ZNF420: variants seen among roughly 807,000 people sequenced by gnomAD.
ZNF420 encodes the protein ATM and p53-associated KZNF protein.
In ZNF420, 31 loss-of-function variants were observed where a neutral mutation model predicts 44.7. The ratio of observed to expected loss-of-function variants is 0.69; its 90% CI spans 0.52 to 0.94. ZNF420 has a LOEUF of 0.94. ZNF420 is among the 40% of genes least tolerant of loss of function. ZNF420 has a pLI of 0.00. For missense variants in ZNF420, 681 were observed against 827.9 expected, an observed-to-expected ratio of 0.82 and a Z score of 2.18; for synonymous variants, 245 against 267.4, an observed-to-expected ratio of 0.92 and a Z score of 0.82.
At chr19:37,037,898 TCTC>T (rs1203749115) in intron 1 of ZNF420, among the ~76,000 whole-genome samples, 7 of 152,128 alleles carry the variant, frequency 4.6e-5, no homozygotes. Context: ...ACCTGTAATA[TCTC>T]CAAGGTATGC....
At chr19:37,018,287 G>A (rs368491868) in intron 1 of ZNF420, among the ~76,000 whole-genome samples, 160 of 152,134 alleles carry the variant, frequency 1.1e-3, no homozygotes, top group African/African-American at 3.5e-3. Flanking sequence ...TTGTATAAAC[G>A]GAAAAATCTA....
At chr19:37,087,887 C>A (rs181987491) in intron 2 of ZNF420, among the ~76,000 whole-genome samples, 5 of 152,294 alleles carry the variant, frequency 3.3e-5, no homozygotes, top group Admixed American at 2.6e-4. Flanking sequence ...CCTCGTGATC[C>A]GCCCGCTTCG....
chr19:37,127,642 T>A lies in ZNF420; in HGVS notation c.651T>A (p.His217Gln). ...AACTTATTTTACATCATAGAATTCA[T>A]ACTGGTGAAAAACCATATAAATGTG... Reference protein sequence around the residue: ...SSQLILHHRIHTGEKPYKCEE... With the variant: ...SSQLILHHRIQTGEKPYKCEE... The change falls in exon 5 of 5, where the codon CAT (histidine) becomes CAA (glutamine). Residue 217 changes from histidine to glutamine, a missense_variant. Around this residue, in one of 3 missense-constraint regions of ZNF420, gnomAD observed 350 missense variants for 382.5 expected, o/e 0.92. Transcript: ENST00000337995. 1 of 1,613,964 alleles carries A rather than the reference T, an allele frequency of 6.2e-7. No individual in the cohort carries two copies. The highest frequency in any genetic ancestry group is 8.5e-7 in the Non-Finnish European group (1 of 1,179,914).
intron 1 of ZNF420, among the ~76,000 whole-genome samples, chr19:37,019,667 T>A (rs115255291): frequency 6.6e-6 from 1 of 151,774 alleles, no homozygotes; most frequent in Non-Finnish European, 1.5e-5. Context: ...CCCAGAGGGC[T>A]GAGACAGGAA....
chr19:37,034,839 G>C (rs1430699352), intron 1 of ZNF420, among the ~76,000 whole-genome samples: 1 of 152,166 alleles, frequency 6.6e-6, no homozygotes, highest in African/African-American at 2.4e-5. Context: ...TGTTCTAGAA[G>C]CATGTAAACA....
intron 3 of ZNF420, among the ~76,000 whole-genome samples, chr19:37,089,767 G>A (rs1568448692): frequency 6.6e-6 from 1 of 152,164 alleles, no homozygotes; most frequent in Non-Finnish European, 1.5e-5. Context: ...TCATTCACCA[G>A]CAGAAGTTGT....
chr19:37,091,342 G>T, intron 4 of ZNF420: 2 of 323,972 alleles, frequency 6.2e-6, no homozygotes, highest in African/African-American at 2.2e-5. Flanking sequence ...CTTCCCTGAT[G>T]AACAAAGGGC....
chr19:37,045,628 T>G (rs1010583934), intron 1 of ZNF420, among the ~76,000 whole-genome samples: 21 of 152,234 alleles, frequency 1.4e-4, no homozygotes, highest in Admixed American at 1.2e-3. Flanking sequence ...CTTGAGCCAT[T>G]GTCATTTGGG....
intron 1 of ZNF420, among the ~76,000 whole-genome samples, chr19:37,048,094 T>A (rs1568428903): frequency 6.6e-6 from 1 of 152,234 alleles, no homozygotes; most frequent in Non-Finnish European, 1.5e-5. Context: ...CTGTCACATG[T>A]AGCAGCTCAG....
Position 37,129,032 on chromosome 19 carries a change from A to G in ZNF420, c.2041A>G (p.Ser681Gly). ...FEYKECGIDF[S>G]HGSQVYM is the part of the protein sequence containing the mutation. Reference sequence around the variant, plus strand: ...ATATAAGGAATGTGGGATTGACTTTAGTCATGGCTCACAAGTTTACATGTG... The same window carrying G: ...ATATAAGGAATGTGGGATTGACTTTGGTCATGGCTCACAAGTTTACATGTG... Residue 681 changes from serine (S) to glycine (G), a missense_variant, in exon 5 of 5, where the codon AGT becomes GGT. Coordinates refer to ENST00000337995, the MANE Select transcript of ZNF420 (RefSeq NM_144689.5). 1 of 1,612,158 alleles carries G rather than the reference A, an allele frequency of 6.2e-7. No individual in the cohort carries two copies. The highest frequency in any genetic ancestry group is 8.5e-7 in the Non-Finnish European group (1 of 1,178,394).
chr19:37,057,697 G>A (rs892638125), intron 1 of ZNF420, among the ~76,000 whole-genome samples: 2 of 152,218 alleles, frequency 1.3e-5, no homozygotes, highest in African/African-American at 4.8e-5. Flanking sequence ...TCGACCACAT[G>A]AGGAGATGCG....
At chr19:37,040,321 C>T (rs577824776) in intron 1 of ZNF420, among the ~76,000 whole-genome samples, 10 of 152,258 alleles carry the variant, frequency 6.6e-5, no homozygotes, top group Admixed American at 3.3e-4. Flanking sequence ...TCATCTCTCT[C>T]GGCCTTCATA....
At chr19:37,040,422 A>T (rs1022313566) in intron 1 of ZNF420, among the ~76,000 whole-genome samples, 1 of 152,104 alleles carries the variant, frequency 6.6e-6, no homozygotes, top group Non-Finnish European at 1.5e-5. Flanking sequence ...GACCACTTAA[A>T]CTTTCTCCAT....
At chr19:37,104,499 C>T (rs1477276612) in intron 4 of ZNF420, among the ~76,000 whole-genome samples, 1 of 152,060 alleles carries the variant, frequency 6.6e-6, no homozygotes, top group Non-Finnish European at 1.5e-5. Flanking sequence ...GGGTATATAC[C>T]AGGTAATGGG....
chr19:37,017,229 G>C (rs1402337764), intron 1 of ZNF420, among the ~76,000 whole-genome samples: 1 of 152,332 alleles, frequency 6.6e-6, no homozygotes, highest in East Asian at 1.9e-4. Context: ...ATCTGGACTT[G>C]TGATTGGTGT....
At chr19:37,028,947 C>A (rs1329044577) in intron 1 of ZNF420, among the ~76,000 whole-genome samples, 2 of 152,178 alleles carry the variant, frequency 1.3e-5, no homozygotes, top group Non-Finnish European at 2.9e-5. Context: ...GTGTTTTGTT[C>A]AAATCATCGA....
chr19:37,096,841 A>T (rs574583718), intron 4 of ZNF420, among the ~76,000 whole-genome samples: 1 of 151,886 alleles, frequency 6.6e-6, no homozygotes, highest in African/African-American at 2.4e-5. Context: ...TTTATTGTTC[A>T]GCATGCTAAA....
intron 4 of ZNF420, among the ~76,000 whole-genome samples, chr19:37,104,605 G>C (rs1179742849): frequency 6.6e-6 from 1 of 152,210 alleles, no homozygotes; most frequent in Non-Finnish European, 1.5e-5. Flanking sequence ...CCCACCAACA[G>C]TGTAAAAGTG....
intron 4 of ZNF420, among the ~76,000 whole-genome samples, chr19:37,104,088 G>A (rs1009504141): frequency 2.7e-5 from 4 of 150,572 alleles, no homozygotes; most frequent in Admixed American, 6.6e-5. Flanking sequence ...CCATTAACTC[G>A]TCATTTACAT....
Sources: gnomAD v4.1 joint callset for allele counts (sites outside exome capture counted in the v4.1 genomes callset) on GRCh38, gnomAD v4.1.1 for gene constraint, gnomAD v4.1.1 regional missense constraint, MANE v1.5 for transcripts, NCBI Gene and HGNC (gene_info 2026-07-23, HGNC 2026-07-21) for gene names.